The following RNF180 variants were observed in gnomAD, a reference collection of about 807,000 sequenced individuals.
The protein encoded by RNF180 is E3 ubiquitin-protein ligase RNF180.
A neutral mutation model predicts 59.2 loss-of-function variants in RNF180; 38 were observed. The observed-to-expected ratio is 0.64, with a 90% confidence interval of 0.50 to 0.84. The LOEUF is 0.84. RNF180 is among the 40% of genes least tolerant of loss of function. The probability of loss-of-function intolerance (pLI) is 0.00; values close to 1 mark genes in which losing one functional copy is unlikely to be tolerated. For synonymous variants in RNF180, 262 were observed against 240.3 expected, an observed-to-expected ratio of 1.09 and a Z score of -0.84; for missense variants, 705 against 700.9, an observed-to-expected ratio of 1.01 and a Z score of -0.07.
intron 1 of RNF180, among the ~76,000 whole-genome samples, chr5:64,180,749 A>G (rs192050177): frequency 6.6e-6 from 1 of 152,178 alleles, no homozygotes; most frequent in African/African-American, 2.4e-5. Flanking sequence ...ACTTCTACCA[A>G]CGGCAAAATG....
chr5:64,335,999 G>A (rs896368929), intron 7 of RNF180, among the ~76,000 whole-genome samples: 2 of 152,150 alleles, frequency 1.3e-5, no homozygotes, highest in Admixed American at 6.5e-5. Flanking sequence ...TTATTCCCAT[G>A]TACTTGCTAT....
At chr5:64,362,263 G>A (rs558472773) in intron 7 of RNF180, among the ~76,000 whole-genome samples, 7 of 151,304 alleles carry the variant, frequency 4.6e-5, no homozygotes, top group African/African-American at 7.3e-5. Context: ...GATAGGCCCC[G>A]GTGTCTACTG....
chr5:64,312,897 T>G lies in RNF180; in HGVS notation c.1228-12289T>G, dbSNP rs559210639. 7.9e-5 allele frequency among the ~76,000 whole-genome samples: 12 copies of G among 152,284 alleles called. No individual in the cohort carries two copies. The South Asian group carries it at 2.5e-3, about 32-fold the overall frequency. On this transcript the variant is annotated intron_variant, in intron 5 of 7. Transcript: ENST00000389100. ...ATTTTAAATGAAGTTATTTATCATC[T>G]AATGCGCTGTAAATAAAAGCTGATT...
intron 2 of RNF180, among the ~76,000 whole-genome samples, chr5:64,211,527 G>A (rs1752311589): frequency 6.6e-6 from 1 of 152,160 alleles, no homozygotes; most frequent in Admixed American, 6.5e-5. Context: ...GAAAAGGGCA[G>A]GGGGAAGGTT....
intron 7 of RNF180, among the ~76,000 whole-genome samples, chr5:64,336,154 T>A (rs922944910): frequency 1.3e-5 from 2 of 152,178 alleles, no homozygotes; most frequent in African/African-American, 4.8e-5. Context: ...TTCACTCTCA[T>A]CCCATAGCCA....
At chr5:64,365,825 T>C (rs76219406) in intron 7 of RNF180, among the ~76,000 whole-genome samples, 3,552 of 151,778 alleles carry the variant, frequency 0.023, 125 homozygotes, top group African/African-American at 0.075. Flanking sequence ...ATTTGCTTGA[T>C]AGATTTTTCT....
At chr5:64,197,461 A>T (rs2112036907) in intron 1 of RNF180, among the ~76,000 whole-genome samples, 1 of 152,338 alleles carries the variant, frequency 6.6e-6, no homozygotes. Context: ...ATAATACAAA[A>T]GCAATAGTGG....
intron 5 of RNF180, among the ~76,000 whole-genome samples, chr5:64,305,462 C>T (rs1275000871): frequency 2.0e-5 from 3 of 151,366 alleles, no homozygotes; most frequent in Admixed American, 6.6e-5. Flanking sequence ...CAGTAGCAAC[C>T]AAGGCATGTT....
Position 64,372,376 on chromosome 5 carries a change from T to C in RNF180, c.*2562T>C, listed in dbSNP as rs1746685781. On this transcript the variant is annotated 3_prime_UTR_variant, in exon 8 of 8. Transcript: ENST00000389100. The stretch of plus-strand genomic sequence containing the variant: ...TTTACAAAGCTTCTACCACTCTGAA[T>C]CAACAAAATCAGGAATGGAAAAAAA... 6.6e-6 allele frequency: 1 copy of C among 151,762 alleles called. No homozygotes were observed. The highest frequency in any genetic ancestry group is 6.6e-5 in the Admixed American group (1 of 15,180). The allele number at this position is 151,762 out of a possible 1,614,324, so 9.4% of individuals were successfully genotyped here.
At chr5:64,200,404 A>G (rs1382896029) in intron 1 of RNF180, among the ~76,000 whole-genome samples, 3 of 152,102 alleles carry the variant, frequency 2.0e-5, no homozygotes, top group South Asian at 2.1e-4. Flanking sequence ...ATAGTGAGCT[A>G]TGATTGTGCC....
chr5:64,279,299 T>A lies in RNF180; in HGVS notation c.1228-45887T>A, dbSNP rs80107567. On this transcript the variant is annotated intron_variant, in intron 5 of 7. Transcript: ENST00000389100. The stretch of plus-strand genomic sequence containing the variant: ...AGATATGGCAATTGGGTCACAGATT[T>A]TTGGCTATAGCAATTTTATTTTAAT... Among the ~76,000 whole-genome samples, 1,214 of 152,272 alleles carry A rather than the reference T, an allele frequency of 8.0e-3. 56 individuals carry two copies. The East Asian group carries it at 0.096, about 12-fold the overall frequency.
intron 5 of RNF180, among the ~76,000 whole-genome samples, chr5:64,279,321 T>G (rs1317312626): frequency 1.3e-5 from 2 of 152,200 alleles, no homozygotes; most frequent in Non-Finnish European, 1.5e-5. Flanking sequence ...AATTTTATTT[T>G]AATAGTGGGT....
chr5:64,315,994 C>CCTT (rs1744023003), intron 5 of RNF180, among the ~76,000 whole-genome samples: 1 of 152,104 alleles, frequency 6.6e-6, no homozygotes, highest in Non-Finnish European at 1.5e-5. Flanking sequence ...AAGGCACTAG[C>CCTT]AATTTAACCC....
intron 7 of RNF180, among the ~76,000 whole-genome samples, chr5:64,342,452 A>G (rs1439632742): frequency 6.6e-6 from 1 of 152,152 alleles, no homozygotes; most frequent in East Asian, 1.9e-4. Flanking sequence ...GAGTCCAAAC[A>G]TATAGCCGAT....
At position 64,358,230 on chromosome 5, in the gene RNF180, G is replaced by A. The variant is rs534943088; in HGVS notation, c.1580-11385G>A. ...GTCTGGTATATTGCTGGTTATTGTGGCAGAGGAAAAGAGACTGCTGCAAAG... is the reference window on the plus strand; with the variant it reads ...GTCTGGTATATTGCTGGTTATTGTGACAGAGGAAAAGAGACTGCTGCAAAG... On this transcript the variant is annotated intron_variant, in intron 7 of 7. Coordinates refer to ENST00000389100, the MANE Select transcript of RNF180 (RefSeq NM_001113561.2). Among the ~76,000 whole-genome samples, 10 of 151,916 alleles carry A rather than the reference G, an allele frequency of 6.6e-5. No individual in the cohort carries two copies. In the East Asian group the frequency reaches 2.0e-3, roughly 30 times the overall value.
At chr5:64,350,795 G>A (rs1438929197) in intron 7 of RNF180, among the ~76,000 whole-genome samples, 4 of 151,984 alleles carry the variant, frequency 2.6e-5, no homozygotes, top group African/African-American at 4.8e-5. Flanking sequence ...AGTACCATGC[G>A]GTTTTGATTA....
intron 7 of RNF180, among the ~76,000 whole-genome samples, chr5:64,349,957 T>C (rs1370576590): frequency 1.3e-5 from 2 of 150,292 alleles, no homozygotes; most frequent in Admixed American, 1.3e-4. Flanking sequence ...ATACCCAGTG[T>C]ATTTCTAATT....
intron 5 of RNF180, among the ~76,000 whole-genome samples, chr5:64,250,764 T>A (rs1447190133): frequency 6.6e-6 from 1 of 152,198 alleles, no homozygotes; most frequent in East Asian, 1.9e-4. Flanking sequence ...CACTGCTGAA[T>A]GCTACCAAAT....
intron 5 of RNF180, among the ~76,000 whole-genome samples, chr5:64,289,944 C>G (rs1742488089): frequency 6.6e-6 from 1 of 151,926 alleles, no homozygotes; most frequent in Non-Finnish European, 1.5e-5. Flanking sequence ...TTTGTTTGCT[C>G]TTGGTTCTCT....
Sources: gnomAD v4.1 joint callset for allele counts (sites outside exome capture counted in the v4.1 genomes callset) on GRCh38, gnomAD v4.1.1 for gene constraint, MANE v1.5 for transcripts, NCBI Gene and HGNC (gene_info 2026-07-23, HGNC 2026-07-21) for gene names.